The following MERTK variants were observed in gnomAD, a reference collection of about 807,000 sequenced individuals.
The protein encoded by MERTK is tyrosine-protein kinase Mer.
Under a neutral mutation model 99.3 loss-of-function variants are expected in MERTK, and 69 were observed. The observed-to-expected ratio is 0.70, with a 90% CI of 0.57 to 0.85. The LOEUF (loss-of-function observed/expected upper bound fraction) is 0.85. Among genes scored for constraint, MERTK ranks in the 40% least tolerant of loss-of-function variants. The pLI is 0.00. For missense variants in MERTK, 1,125 were observed against 1,249.4 expected (o/e 0.90, Z 1.50); for synonymous variants, 426 against 467.6 (o/e 0.91, Z 1.15).
chr2:111,912,884 T>G (rs1400323), intron 1 of MERTK: 101,289 of 220,556 alleles, frequency 0.46, 23,491 homozygotes, highest in East Asian at 0.73. Flanking sequence ...TTAGGGTAGT[T>G]GGTGGCTGTG....
intron 5 of MERTK, among the ~76,000 whole-genome samples, chr2:111,966,039 A>C (rs1685353154): frequency 6.6e-6 from 1 of 152,214 alleles, no homozygotes; most frequent in Non-Finnish European, 1.5e-5. Flanking sequence ...AAAACCTACA[A>C]TTAGGTAGTA....
chr2:111,954,030 A>C (rs1260995122), intron 4 of MERTK, among the ~76,000 whole-genome samples: 1 of 151,912 alleles, frequency 6.6e-6, no homozygotes, highest in East Asian at 1.9e-4. Context: ...CCCCTACCCC[A>C]CCACCATAGT....
At chr2:112,001,423 A>G (rs752423946) in intron 11 of MERTK, 137 bp downstream of exon 11, 18 of 764,722 alleles carry the variant, frequency 2.4e-5, no homozygotes, top group Non-Finnish European at 3.2e-5. Flanking sequence ...ATGTCTTTAA[A>G]AGCAGCAAGT....
At chr2:112,018,745 A>C (rs1677269349) in intron 15 of MERTK, among the ~76,000 whole-genome samples, 1 of 152,196 alleles carries the variant, frequency 6.6e-6, no homozygotes, top group African/African-American at 2.4e-5. Flanking sequence ...GTTTTCTAAC[A>C]CAGCAATCTA....
chr2:111,993,353 A>G (rs1170039204), intron 8 of MERTK, among the ~76,000 whole-genome samples: 1 of 152,154 alleles, frequency 6.6e-6, no homozygotes, highest in Admixed American at 6.6e-5. Flanking sequence ...GTGAGTGACC[A>G]GGAAATAAAG....
intron 8 of MERTK, 114 bp downstream of exon 8, chr2:111,983,107 G>A (rs906658899): frequency 8.2e-7 from 1 of 1,215,628 alleles, no homozygotes; most frequent in Non-Finnish European, 1.2e-6. Flanking sequence ...ATTGAGTTAG[G>A]CAAGGCACCT....
chr2:112,008,650 T>C, intron 14 of MERTK, 175 bp downstream of exon 14: 1 of 712,978 alleles, frequency 1.4e-6, no homozygotes, highest in South Asian at 1.5e-5. Flanking sequence ...CTGAGGCTAA[T>C]AGTAATAATG....
chr2:111,994,872 C>T (rs1034317000), intron 9 of MERTK, among the ~76,000 whole-genome samples: 2 of 151,852 alleles, frequency 1.3e-5, no homozygotes, highest in African/African-American at 4.8e-5. Context: ...CTTTACAGAA[C>T]TGCTGATACC....
intron 2 of MERTK, among the ~76,000 whole-genome samples, chr2:111,942,696 C>T (rs909921614): frequency 6.6e-6 from 1 of 152,130 alleles, no homozygotes; most frequent in Non-Finnish European, 1.5e-5. Context: ...AATTATATTG[C>T]TCCTACAAAA....
At chr2:111,956,550 C>G (rs940127950) in intron 4 of MERTK, among the ~76,000 whole-genome samples, 4 of 152,110 alleles carry the variant, frequency 2.6e-5, no homozygotes, top group African/African-American at 9.7e-5. Context: ...CTTGTAATAA[C>G]AGAAACAACA....
At chr2:111,960,642 C>T (rs150128549) in intron 4 of MERTK, among the ~76,000 whole-genome samples, 9 of 151,940 alleles carry the variant, frequency 5.9e-5, no homozygotes, top group African/African-American at 1.9e-4. Flanking sequence ...AATATTTTTG[C>T]AATTTCAAGG....
intron 1 of MERTK, among the ~76,000 whole-genome samples, chr2:111,914,714 A>G (rs965487367): frequency 2.6e-5 from 4 of 152,212 alleles, no homozygotes; most frequent in Non-Finnish European, 5.9e-5. Flanking sequence ...ATTTTCAAAT[A>G]CTGAACTAGC....
intron 1 of MERTK, among the ~76,000 whole-genome samples, chr2:111,920,931 C>T (rs1176482813): frequency 1.3e-5 from 2 of 152,326 alleles, no homozygotes; most frequent in East Asian, 3.9e-4. Flanking sequence ...GCTGGGATTA[C>T]AGGCGTGAGC....
At chr2:111,910,313 AG>A in intron 1 of MERTK, among the ~76,000 whole-genome samples, 1 of 147,428 alleles carries the variant, frequency 6.8e-6, no homozygotes, top group Admixed American at 6.8e-5. Context: ...CTTGTCCCCC[AG>A]GCTGGAATGC....
chr2:111,917,898 A>C (rs2104673618), intron 1 of MERTK, among the ~76,000 whole-genome samples: 1 of 151,490 alleles, frequency 6.6e-6, no homozygotes, highest in Non-Finnish European at 1.5e-5. Flanking sequence ...AAAAAAAAAA[A>C]TGCCAAAAGA....
intron 2 of MERTK, among the ~76,000 whole-genome samples, chr2:111,941,608 G>A (rs1186094187): frequency 6.6e-6 from 1 of 152,144 alleles, no homozygotes; most frequent in Non-Finnish European, 1.5e-5. Context: ...GGCAGAGGGA[G>A]GAGAGCCAGG....
At chr2:111,973,429 C>A (rs900378940) in intron 6 of MERTK, among the ~76,000 whole-genome samples, 2 of 151,934 alleles carry the variant, frequency 1.3e-5, no homozygotes, top group African/African-American at 4.8e-5. Flanking sequence ...TTCTTGTCAC[C>A]CACGGGGTCT....
At chr2:112,024,024 G>A (rs138612853) in intron 18 of MERTK, among the ~76,000 whole-genome samples, 13 of 152,274 alleles carry the variant, frequency 8.5e-5, no homozygotes, top group Non-Finnish European at 1.3e-4. Flanking sequence ...GCTTCGTCCC[G>A]TTGGTAGTGG....
intron 1 of MERTK, among the ~76,000 whole-genome samples, chr2:111,921,495 G>A (rs1458071507): frequency 4.1e-5 from 4 of 98,664 alleles, no homozygotes; most frequent in African/African-American, 8.1e-5. Context: ...AGACTAAGAC[G>A]CGATCTCAAA....
Sources: allele counts gnomAD v4.1 joint callset (sites outside exome capture counted in the v4.1 genomes callset), GRCh38; gene constraint gnomAD v4.1.1; transcripts MANE v1.5; gene names NCBI Gene and HGNC (gene_info 2026-07-23, HGNC 2026-07-21).